Variants in LRIG2 observed in about 807,000 individuals in gnomAD.
LRIG2 encodes leucine rich repeats and immunoglobulin like domains 2.
A neutral mutation model predicts 107.8 loss-of-function variants in LRIG2; 93 were observed. That is an observed-to-expected ratio of 0.86 (90% CI 0.73 to 1.03). The LOEUF is 1.03. Among genes scored for constraint, LRIG2 ranks in the 50% least tolerant of loss-of-function variants. The pLI is 0.00. For synonymous variants in LRIG2, 471 were observed against 470.6 expected (o/e 1.00, Z -0.01); for missense variants, 1,226 against 1,296.0 (o/e 0.95, Z 0.83).
chr1:113,100,143 G>A, intron 9 of LRIG2, 68 bp from the exon 10 acceptor site: 1 of 929,736 alleles, frequency 1.1e-6, no homozygotes, highest in Non-Finnish European at 1.6e-6. Context: ...CTTTTTATAG[G>A]TAAATGTTTA....
At chr1:113,091,227 A>G (rs1653806291) in intron 1 of LRIG2, 91 bp from the exon 2 acceptor site, 1 of 819,364 alleles carries the variant, frequency 1.2e-6, no homozygotes, top group African/African-American at 1.8e-5. Context: ...CCTGGCCAAG[A>G]GGACTTTTTG....
At chr1:113,095,750 A>T (rs1180743291) in intron 6 of LRIG2, 124 bp from the exon 7 acceptor site, 1 of 838,670 alleles carries the variant, frequency 1.2e-6, no homozygotes, top group African/African-American at 1.7e-5. Flanking sequence ...ATTGAATAGA[A>T]TTGGTCAGCT....
Position 113,112,344 on chromosome 1 carries a change from CAGAG to C in LRIG2, c.1799-132_1799-129del, listed in dbSNP as rs533794070. Reference sequence around the variant, plus strand: ...TTATAAAACTATATTCACTCTCAATCAGAGAGCCTGTCTTCACAAAGAAATGGAA... The same window carrying C: ...TTATAAAACTATATTCACTCTCAATCAGCCTGTCTTCACAAAGAAATGGAA... On this transcript the variant is annotated intron_variant, in intron 13 of 17. Transcript: ENST00000361127. The C allele has an allele frequency of 9.0e-6, 7 of 776,606 alleles. No individual in the cohort carries two copies. In the East Asian group the frequency reaches 1.5e-4, roughly 16 times the overall value. 48.1% of individuals were successfully genotyped at this position (776,606 alleles called of 1,614,324 possible).
intron 13 of LRIG2, among the ~76,000 whole-genome samples, chr1:113,111,468 G>A (rs1654771704): frequency 6.6e-6 from 1 of 152,018 alleles, no homozygotes; most frequent in African/African-American, 2.4e-5. Context: ...TTTATCCCTA[G>A]CCCCCGCTCA....
At chr1:113,078,326 C>T (rs891255956) in intron 1 of LRIG2, among the ~76,000 whole-genome samples, 1 of 151,898 alleles carries the variant, frequency 6.6e-6, no homozygotes, top group South Asian at 2.1e-4. Context: ...GCAACCCCCG[C>T]CTCCTGGGTT....
At chr1:113,111,161 G>C (rs567273638) in intron 13 of LRIG2, among the ~76,000 whole-genome samples, 3 of 152,020 alleles carry the variant, frequency 2.0e-5, no homozygotes, top group Non-Finnish European at 4.4e-5. Context: ...CCTGTAATTC[G>C]AGTAGCTGGA....
intron 1 of LRIG2, among the ~76,000 whole-genome samples, chr1:113,086,847 A>G (rs1570732751): frequency 6.6e-6 from 1 of 152,122 alleles, no homozygotes; most frequent in East Asian, 1.9e-4. Flanking sequence ...CTCCTCTGTC[A>G]TCATATCTAT....
intron 11 of LRIG2, among the ~76,000 whole-genome samples, chr1:113,107,170 T>G (rs75370696): frequency 0.04 from 6,052 of 152,236 alleles, 209 homozygotes; most frequent in Non-Finnish European, 0.058. Flanking sequence ...CAGCATGTAT[T>G]TTTTAAGAAC....
chr1:113,093,935 GC>G (rs1653937507), intron 4 of LRIG2, among the ~76,000 whole-genome samples: 2 of 152,160 alleles, frequency 1.3e-5, no homozygotes, highest in South Asian at 4.1e-4. Flanking sequence ...CACCCCACAA[GC>G]CCCCTAAAGA....
chr1:113,077,183 C>T (rs1482087185), intron 1 of LRIG2, among the ~76,000 whole-genome samples: 4 of 150,356 alleles, frequency 2.7e-5, no homozygotes, highest in East Asian at 1.9e-4. Flanking sequence ...TTCTCACTTT[C>T]GCCCAGGCTG....
At chr1:113,109,619 A>C (rs1389388072) in intron 12 of LRIG2, among the ~76,000 whole-genome samples, 1 of 152,118 alleles carries the variant, frequency 6.6e-6, no homozygotes, top group Non-Finnish European at 1.5e-5. Flanking sequence ...CCCGGGTTCA[A>C]GTGATTCTCC....
intron 1 of LRIG2, among the ~76,000 whole-genome samples, chr1:113,083,013 G>T (rs956112407): frequency 5.3e-5 from 8 of 151,478 alleles, no homozygotes; most frequent in African/African-American, 1.9e-4. Context: ...GGGCTTTGAG[G>T]ATCCTCCCAC....
chr1:113,078,619 A>G (rs1408998998), intron 1 of LRIG2, among the ~76,000 whole-genome samples: 1 of 149,372 alleles, frequency 6.7e-6, no homozygotes, highest in Non-Finnish European at 1.5e-5. Flanking sequence ...GGGGCAGATC[A>G]TTTGCAGTTC....
chr1:113,093,409 A>C, intron 3 of LRIG2, 21 bp from the exon 4 acceptor site: 1 of 1,612,846 alleles, frequency 6.2e-7, no homozygotes, highest in Non-Finnish European at 8.5e-7. Context: ...CAGCAGCTTC[A>C]TTATAATCTT....
rs1247034814 is a variant in LRIG2, at chr1:113,114,372, G to A, written c.2081-55G>A. The A allele has an allele frequency of 1.4e-5, 16 of 1,150,336 alleles. No homozygotes were observed. The East Asian group carries it at 3.8e-4, about 27-fold the overall frequency. The allele number at this position is 1,150,336 out of a possible 1,614,324, so 71.3% of individuals were successfully genotyped here. ...CATTGGTCTAATTCAGTAGAAATTA[G>A]GGAATAAAATTGCCTAACTTTTCAT... On this transcript the variant is annotated intron_variant, in intron 14 of 17. Transcript: ENST00000361127.
rs66524955 is a variant in LRIG2 at position 113,123,727 on chromosome 1, T to TTGTG, written c.2972-117_2972-114dup. ...AAAGACCATGTTCTGGTGGTGGTTT[T>TTGTG]TGTGTGTGTGTGTGTGTGTGTGTGT... is the stretch of plus-strand genomic sequence containing the variant. On this transcript the variant is annotated intron_variant, in intron 17 of 17. Transcript: ENST00000361127. 3,669 of 596,352 alleles carry TTGTG rather than the reference T, an allele frequency of 6.2e-3. 36 individuals carry two copies. The highest frequency in any genetic ancestry group is 0.035 in the African/African-American group (1,805 of 51,236). 36.9% of individuals were successfully genotyped at this position (596,352 alleles called of 1,614,324 possible). A position where few individuals can be genotyped will look rare whatever the true frequency, so the allele number is the denominator to read the frequency against.
At chr1:113,093,150 C>A in intron 2 of LRIG2, 56 bp from the exon 3 acceptor site, 1 of 1,087,776 alleles carries the variant, frequency 9.2e-7, no homozygotes, top group South Asian at 1.4e-5. Flanking sequence ...AAGGTAGAAT[C>A]CAAGAGGTAA....
intron 1 of LRIG2, among the ~76,000 whole-genome samples, chr1:113,077,865 C>G (rs952414685): frequency 1.3e-5 from 2 of 148,826 alleles, no homozygotes; most frequent in African/African-American, 4.9e-5. Context: ...AGGTATATCT[C>G]CTAATGCTAT....
At chr1:113,107,799 T>A in intron 12 of LRIG2, 42 bp downstream of exon 12, 2 of 1,508,516 alleles carry the variant, frequency 1.3e-6, no homozygotes, top group Non-Finnish European at 1.8e-6. Context: ...TACACACTTA[T>A]AATCTTAACA....
Sources: allele counts gnomAD v4.1 joint callset (sites outside exome capture counted in the v4.1 genomes callset), GRCh38; gene constraint gnomAD v4.1.1; transcripts MANE v1.5; gene names NCBI Gene and HGNC (gene_info 2026-07-23, HGNC 2026-07-21).